The following ZNF248 variants were observed in gnomAD, a reference collection of about 807,000 sequenced individuals.
ZNF248 encodes the protein KRAB protein domain.
In ZNF248, 20 loss-of-function variants were observed where a neutral mutation model predicts 44.3. That is an observed-to-expected ratio of 0.45 (90% confidence interval 0.32 to 0.66). The LOEUF is 0.66. Ranked by LOEUF, ZNF248 falls within the 30% of genes least tolerant of loss-of-function variation. The probability of loss-of-function intolerance (pLI) is 0.04; values close to 1 mark genes in which losing one functional copy is unlikely to be tolerated. For missense variants in ZNF248, 654 were observed against 677.0 expected (o/e 0.97, Z 0.38); for synonymous variants, 224 against 229.0 (o/e 0.98, Z 0.20).
At chr10:37,846,628 A>G (rs1236909995) in intron 3 of ZNF248, among the ~76,000 whole-genome samples, 2 of 152,218 alleles carry the variant, frequency 1.3e-5, no homozygotes, top group African/African-American at 4.8e-5. Flanking sequence ...CCTAGGGCAC[A>G]CAGCAAGATC....
At chr10:37,758,829 A>G in the ZNF248 span, among the ~76,000 whole-genome samples, 1 of 152,208 alleles carries the variant, frequency 6.6e-6, no homozygotes, top group Non-Finnish European at 1.5e-5. Context: ...TTTTTGATGT[A>G]GCTTAACTGT....
chr10:37,761,840 C>A, the ZNF248 span, among the ~76,000 whole-genome samples: 1 of 152,084 alleles, frequency 6.6e-6, no homozygotes, highest in South Asian at 2.1e-4. Context: ...TATAATGAGA[C>A]CAAAAAAACT....
At chr10:37,811,387 C>A (rs1211614701) in intron 6 of ZNF248, among the ~76,000 whole-genome samples, 1 of 151,222 alleles carries the variant, frequency 6.6e-6, no homozygotes, top group Non-Finnish European at 1.5e-5. Flanking sequence ...GACTCTAATG[C>A]AATCTGAGAA....
intron 6 of ZNF248, among the ~76,000 whole-genome samples, chr10:37,791,295 G>T (rs1044670742): frequency 6.6e-6 from 1 of 151,844 alleles, no homozygotes; most frequent in African/African-American, 2.4e-5. Flanking sequence ...ACCTACCTCG[G>T]CCTCCCAAAG....
chr10:37,764,499 C>G, the ZNF248 span, among the ~76,000 whole-genome samples: 1 of 152,094 alleles, frequency 6.6e-6, no homozygotes, highest in South Asian at 2.1e-4. Flanking sequence ...CTCTGTGACC[C>G]AGACCCTACT....
intron 3 of ZNF248, among the ~76,000 whole-genome samples, chr10:37,842,852 T>C (rs2134291612): frequency 6.6e-6 from 1 of 152,046 alleles, no homozygotes; most frequent in East Asian, 1.9e-4. Context: ...AAATTAGAAA[T>C]CCAGAAACAT....
chr10:37,818,931 CACA>C (rs1273818133), intron 6 of ZNF248: 1 of 1,110,094 alleles, frequency 9.0e-7, no homozygotes, highest in South Asian at 1.2e-5. Flanking sequence ...CCACCGACCA[CACA>C]ACAATTTTAT....
At chr10:37,808,958 G>A (rs1209424) in intron 6 of ZNF248, among the ~76,000 whole-genome samples, 9,110 of 151,882 alleles carry the variant, frequency 0.06, 353 homozygotes, top group Middle Eastern at 0.095. Context: ...ATTGACTTAT[G>A]TCAATGATAT....
the ZNF248 span, among the ~76,000 whole-genome samples, chr10:37,770,589 A>G: frequency 6.6e-6 from 1 of 152,208 alleles, no homozygotes; most frequent in Non-Finnish European, 1.5e-5. Flanking sequence ...CTGAAACTGG[A>G]TCCCTTCCTT....
intron 3 of ZNF248, among the ~76,000 whole-genome samples, chr10:37,844,691 T>C (rs370098785): frequency 6.6e-6 from 1 of 152,178 alleles, no homozygotes; most frequent in African/African-American, 2.4e-5. Flanking sequence ...GGAATGTTCA[T>C]TGTTAATCTC....
At chr10:37,786,392 C>T (rs911476151) in intron 6 of ZNF248, among the ~76,000 whole-genome samples, 3 of 152,058 alleles carry the variant, frequency 2.0e-5, no homozygotes, top group African/African-American at 7.2e-5. Flanking sequence ...AGGCTGACAG[C>T]AGGGAAGTAA....
intron 5 of ZNF248, among the ~76,000 whole-genome samples, chr10:37,834,849 TA>T (rs2056772888): frequency 6.6e-6 from 1 of 152,042 alleles, no homozygotes; most frequent in Non-Finnish European, 1.5e-5. Context: ...CATTTGCAAA[TA>T]AAATTTAAGA....
chr10:37,790,354 A>G (rs2048358138), intron 6 of ZNF248, among the ~76,000 whole-genome samples: 1 of 151,688 alleles, frequency 6.6e-6, no homozygotes, highest in Non-Finnish European at 1.5e-5. Context: ...CTGAGGCTGG[A>G]AAATCGCTTG....
chr10:37,765,861 A>C, the ZNF248 span, among the ~76,000 whole-genome samples: 1 of 152,212 alleles, frequency 6.6e-6, no homozygotes, highest in Non-Finnish European at 1.5e-5. Context: ...TTCCTAGTCA[A>C]AGAAAGGGGT....
the ZNF248 span, among the ~76,000 whole-genome samples, chr10:37,762,491 G>C: frequency 7.2e-5 from 11 of 152,148 alleles, no homozygotes; most frequent in African/African-American, 2.7e-4. Context: ...CTGTATCAGG[G>C]GTAAGCAAAC....
At chr10:37,797,815 G>A (rs1351819779) in intron 6 of ZNF248, among the ~76,000 whole-genome samples, 1 of 152,038 alleles carries the variant, frequency 6.6e-6, no homozygotes, top group Admixed American at 6.6e-5. Context: ...AACAAGTATT[G>A]GTGAGATGTA....
chr10:37,850,878 C>G (rs1193752027), intron 3 of ZNF248, among the ~76,000 whole-genome samples: 1 of 151,884 alleles, frequency 6.6e-6, no homozygotes, highest in Admixed American at 6.6e-5. Context: ...AAGAGAAAAT[C>G]TTTGCCTAGG....
chr10:37,791,389 A>T (rs749618626), intron 6 of ZNF248, among the ~76,000 whole-genome samples: 2 of 152,070 alleles, frequency 1.3e-5, no homozygotes, highest in African/African-American at 4.8e-5. Context: ...ATTATGCTAG[A>T]TGTGAATACA....
intron 5 of ZNF248, among the ~76,000 whole-genome samples, chr10:37,833,946 A>G (rs2056548621): frequency 6.6e-6 from 1 of 152,080 alleles, no homozygotes; most frequent in Non-Finnish European, 1.5e-5. Flanking sequence ...GCAGAGGTAA[A>G]GCATGGTTTA....
Sources: gnomAD v4.1 joint callset for allele counts (sites outside exome capture counted in the v4.1 genomes callset) on GRCh38, gnomAD v4.1.1 for gene constraint, MANE v1.5 for transcripts, NCBI Gene and HGNC (gene_info 2026-07-23, HGNC 2026-07-21) for gene names.